DSCAM: variants seen among roughly 807,000 people sequenced by gnomAD.
The protein encoded by DSCAM is DS cell adhesion molecule.
Under a neutral mutation model 217.7 loss-of-function variants are expected in DSCAM, and 47 were observed. The observed-to-expected ratio is 0.22, with a 90% CI of 0.17 to 0.28. The LOEUF is 0.28. Ranked by LOEUF, DSCAM falls within the 10% of genes least tolerant of loss-of-function variation. The pLI, the probability that DSCAM is intolerant of heterozygous loss-of-function variation, is 1.00. For missense variants in DSCAM, 2,080 were observed against 2,618.3 expected (o/e 0.79, Z 4.49); for synonymous variants, 1,056 against 1,015.3 (o/e 1.04, Z -0.76).
rs1488785611 is a variant in DSCAM at position 40,144,894 on chromosome 21, G to T, written c.3019-163C>A. On this transcript the variant is annotated intron_variant, in intron 16 of 32. Coordinates refer to ENST00000400454, the MANE Select transcript of DSCAM (RefSeq NM_001389.5). The surrounding 1 kb of genome is among the most constrained non-coding windows in gnomAD (Gnocchi z 4.8). ...CGCAAACCCACGTACAGTGCAACTT[G>T]GTCTGTGCCAGGCACCCTTCCTTTA... is the stretch of plus-strand genomic sequence containing the variant. Among the ~76,000 whole-genome samples the T allele has an allele frequency of 1.3e-5, 2 of 152,192 alleles. No homozygotes were observed. The highest frequency in any genetic ancestry group is 2.9e-5 in the Non-Finnish European group (2 of 68,044).
chr21:40,306,209 G>A (rs2074074203), intron 9 of DSCAM, among the ~76,000 whole-genome samples: 1 of 146,758 alleles, frequency 6.8e-6, no homozygotes, highest in South Asian at 2.1e-4. Context: ...AAGCAATTGT[G>A]AATGGGAGTT....
At chr21:40,809,569 C>T (rs142999777) in intron 1 of DSCAM, among the ~76,000 whole-genome samples, 1 of 152,288 alleles carries the variant, frequency 6.6e-6, no homozygotes, top group African/African-American at 2.4e-5. Flanking sequence ...AGGTAAGTGG[C>T]TAAGAAACTG....
intron 11 of DSCAM, among the ~76,000 whole-genome samples, chr21:40,207,466 C>T (rs375573156): frequency 5.1e-4 from 78 of 152,174 alleles, no homozygotes; most frequent in African/African-American, 1.8e-3. Flanking sequence ...GATCTTTTGA[C>T]CCTGTAATTC....
At chr21:40,308,745 T>A (rs2123482550) in intron 9 of DSCAM, among the ~76,000 whole-genome samples, 1 of 152,318 alleles carries the variant, frequency 6.6e-6, no homozygotes, top group African/African-American at 2.4e-5. Flanking sequence ...AGTTCTTATA[T>A]ATATTAGACC....
At chr21:40,831,473 A>G (rs889364511) in intron 1 of DSCAM, among the ~76,000 whole-genome samples, 1 of 152,236 alleles carries the variant, frequency 6.6e-6, no homozygotes, top group Non-Finnish European at 1.5e-5. Flanking sequence ...ACGCTTACTA[A>G]CAAAACTAAT....
At chr21:40,551,242 G>T (rs1394733051) in intron 3 of DSCAM, among the ~76,000 whole-genome samples, 1 of 152,172 alleles carries the variant, frequency 6.6e-6, no homozygotes, top group Admixed American at 6.5e-5. Context: ...GTATACATTG[G>T]TTCAGTCCAG....
chr21:40,706,144 C>T (rs1398806044), intron 2 of DSCAM, among the ~76,000 whole-genome samples: 1 of 147,688 alleles, frequency 6.8e-6, no homozygotes, highest in Non-Finnish European at 1.5e-5. Context: ...CGCGCGACTG[C>T]ACTCCAGCCT....
intron 3 of DSCAM, among the ~76,000 whole-genome samples, chr21:40,373,802 G>T (rs1248005624): frequency 6.6e-6 from 1 of 152,172 alleles, no homozygotes; most frequent in Non-Finnish European, 1.5e-5. Context: ...GGAAGCCAGT[G>T]GATCTGAACT....
chr21:40,155,060 T>C (rs925539441), intron 16 of DSCAM, among the ~76,000 whole-genome samples: 2 of 152,224 alleles, frequency 1.3e-5, no homozygotes, highest in African/African-American at 4.8e-5. Context: ...AGCTTCCGCT[T>C]TATTCATCCA....
chr21:40,817,954 G>A (rs1016857447), intron 1 of DSCAM, among the ~76,000 whole-genome samples: 3 of 150,962 alleles, frequency 2.0e-5, no homozygotes, highest in Middle Eastern at 3.4e-3. Flanking sequence ...AAATTAGCCG[G>A]GCGCGGTGGC....
chr21:40,511,946 G>A (rs1322295549), intron 3 of DSCAM, among the ~76,000 whole-genome samples: 6 of 128,080 alleles, frequency 4.7e-5, no homozygotes, highest in Non-Finnish European at 6.2e-5. Context: ...AGCCGAGATC[G>A]CGCCACTGCA....
chr21:40,395,028 T>C (rs2075166117), intron 3 of DSCAM, among the ~76,000 whole-genome samples: 1 of 152,212 alleles, frequency 6.6e-6, no homozygotes, highest in South Asian at 2.1e-4. Context: ...GGTCAAACAA[T>C]GTCGTTTGAT....
chr21:40,113,985 G>A (rs1299720803), intron 20 of DSCAM, among the ~76,000 whole-genome samples: 1 of 151,880 alleles, frequency 6.6e-6, no homozygotes, highest in African/African-American at 2.4e-5. Flanking sequence ...TGGCCATACT[G>A]CCCAAGGTAA....
intron 3 of DSCAM, among the ~76,000 whole-genome samples, chr21:40,498,733 G>GTA (rs1458054623): frequency 0.017 from 257 of 14,940 alleles, 27 homozygotes; most frequent in South Asian, 0.038. Context: ...ATATGGGTGT[G>GTA]TGTATATATA....
intron 21 of DSCAM, 78 bp downstream of exon 21, chr21:40,093,643 G>A (rs2089638584): frequency 1.3e-6 from 2 of 1,526,494 alleles, no homozygotes; most frequent in East Asian, 2.3e-5. Context: ...GAAAGTGTAA[G>A]TTTTATTTCA....
At chr21:40,466,945 AT>A (rs980255083) in intron 3 of DSCAM, among the ~76,000 whole-genome samples, 4 of 152,046 alleles carry the variant, frequency 2.6e-5, no homozygotes, top group African/African-American at 7.2e-5. Context: ...ATGCAATTAC[AT>A]TTTTTTCTTG....
intron 16 of DSCAM, among the ~76,000 whole-genome samples, chr21:40,156,964 G>A (rs1218303749): frequency 6.6e-6 from 1 of 152,114 alleles, no homozygotes; most frequent in East Asian, 1.9e-4. Flanking sequence ...GCTCCCTCTC[G>A]AGAGATCATC....
intron 1 of DSCAM, among the ~76,000 whole-genome samples, chr21:40,790,287 T>C (rs986453354): frequency 1.3e-5 from 2 of 150,884 alleles, no homozygotes; most frequent in Non-Finnish European, 3.0e-5. Context: ...GTTCAAGCAA[T>C]TCTCCTACCT....
At chr21:40,842,597 A>T (rs1243176301) in intron 1 of DSCAM, among the ~76,000 whole-genome samples, 1 of 152,116 alleles carries the variant, frequency 6.6e-6, no homozygotes, top group Non-Finnish European at 1.5e-5. Flanking sequence ...TCCCTCTCTC[A>T]ATCAAGTTTT....
Sources: gnomAD v4.1 joint callset for allele counts (sites outside exome capture counted in the v4.1 genomes callset) on GRCh38, gnomAD v4.1.1 for gene constraint, Gnocchi (gnomAD v3.1) non-coding constraint, MANE v1.5 for transcripts, NCBI Gene and HGNC (gene_info 2026-07-23, HGNC 2026-07-21) for gene names.